The following MMP28 variants were observed in gnomAD, a reference collection of about 807,000 sequenced individuals.
MMP28 encodes matrix metalloproteinase-28.
MMP28 carries 55 observed loss-of-function variants against 60.5 expected under a neutral mutation model. The observed-to-expected ratio is 0.91, with a 90% CI of 0.73 to 1.14. The LOEUF is 1.14. Ranked by LOEUF, MMP28 falls within the 50% of genes most tolerant of loss-of-function variation. MMP28 has a pLI of 0.00. For synonymous variants in MMP28, 318 were observed against 312.5 expected, an observed-to-expected ratio of 1.02 and a Z score of -0.18; for missense variants, 686 against 738.3, an observed-to-expected ratio of 0.93 and a Z score of 0.82.
intron 2 of MMP28, among the ~76,000 whole-genome samples, chr17:35,758,883 C>T (rs2085770227): frequency 6.6e-6 from 1 of 151,568 alleles, no homozygotes. Flanking sequence ...GTTGGGGAGG[C>T]AGGATGAGAA....
At chr17:35,795,240 G>T (rs916214081) in intron 1 of MMP28, 27 bp downstream of exon 1, 2 of 1,360,998 alleles carry the variant, frequency 1.5e-6, no homozygotes. Flanking sequence ...CACACGCACC[G>T]CTCTCCGCCA....
At chr17:35,778,684 C>A in intron 3 of MMP28, 4 of 1,226,628 alleles carry the variant, frequency 3.3e-6, no homozygotes, top group Non-Finnish European at 4.4e-6. Context: ...AATGAAAATT[C>A]ATCAATGTAG....
downstream of MMP28, among the ~76,000 whole-genome samples, chr17:35,763,619 G>A (rs2085869215): frequency 6.6e-6 from 1 of 151,686 alleles, no homozygotes; most frequent in Non-Finnish European, 1.5e-5. Flanking sequence ...ATCCAGGGCC[G>A]GGTGCAGTGA....
chr17:35,787,782 C>A (rs1012370507), intron 1 of MMP28, among the ~76,000 whole-genome samples: 1 of 151,600 alleles, frequency 6.6e-6, no homozygotes, highest in Non-Finnish European at 1.5e-5. Flanking sequence ...AGCCACTGCA[C>A]CCAGCCCCTT....
At position 35,795,299 on chromosome 17, in the gene MMP28, G is replaced by A. The variant is rs1338892568; in HGVS notation, c.79C>T (p.Arg27Cys). The A allele has an allele frequency of 1.4e-6, 2 of 1,464,124 alleles. No individual in the cohort carries two copies. Among genetic ancestry groups the A allele is most frequent in the Non-Finnish European group, 1.8e-6 (2 of 1,108,198 alleles). 90.7% of individuals were successfully genotyped at this position (1,464,124 alleles called of 1,614,324 possible). Reference sequence around the variant, plus strand: ...TCCTTGCGCAGCTCCTGGCCTCCGCGCTCCGCGGGCTGGGCGTCCAGGTGG... The same window carrying A: ...TCCTTGCGCAGCTCCTGGCCTCCGCACTCCGCGGGCTGGGCGTCCAGGTGG... The part of the protein sequence containing the change: ...WGHLDAQPAE[R>C]GGQELRKEAE... The change falls in exon 1 of 8, where the codon CGC (arginine) becomes TGC (cysteine). Residue 27 changes from arginine to cysteine, a missense_variant. Coordinates refer to ENST00000605424, the MANE Select transcript of MMP28 (RefSeq NM_024302.5).
chr17:35,780,305 C>A (rs531967907), intron 1 of MMP28, among the ~76,000 whole-genome samples: 9 of 151,928 alleles, frequency 5.9e-5, no homozygotes, highest in Non-Finnish European at 1.2e-4. Context: ...TGACCTCAGG[C>A]GGTCCACCCA....
chr17:35,765,146 A>G (rs1255970719), downstream of MMP28: 1 of 152,280 alleles, frequency 6.6e-6, no homozygotes, highest in African/African-American at 2.4e-5. Flanking sequence ...CCAGAGGTAA[A>G]AGTGTGGGCA....
downstream of MMP28, chr17:35,764,413 T>G: frequency 6.6e-7 from 1 of 1,520,582 alleles, no homozygotes; most frequent in Non-Finnish European, 8.8e-7. Context: ...GAGCGCCTGG[T>G]CCCCGCCGGC....
rs550721440 is a variant in MMP28, at chr17:35,778,120, C to T, written c.379+768G>A. On this transcript the variant is annotated intron_variant, in intron 3 of 7. Coordinates refer to ENST00000605424, the MANE Select transcript of MMP28 (RefSeq NM_024302.5). ...ATCTTAGATCTGTACCATTTAACCC[C>T]TGGAATATTAAATTTGGCTAAAAGA... is the stretch of plus-strand genomic sequence containing the variant. Among the ~76,000 whole-genome samples the T allele has an allele frequency of 3.9e-5, 6 of 152,176 alleles. No homozygotes were observed. In the East Asian group the frequency reaches 9.6e-4, roughly 24 times the overall value.
chr17:35,795,239 C>A, intron 1 of MMP28, 28 bp downstream of exon 1: 1 of 1,360,822 alleles, frequency 7.3e-7, no homozygotes. Context: ...GCACACGCAC[C>A]GCTCTCCGCC....
Position 35,770,169 on chromosome 17 carries a change from G to T in MMP28, c.748C>A (p.His250Asn), listed in dbSNP as rs1555604961. Reference protein sequence around the residue: ...HEIGHTLGLTHSPAPRALMAP... With the variant: ...HEIGHTLGLTNSPAPRALMAP... ...ATGAGCGCGCGCGGCGCGGGCGAGT[G>T]GGTGAGGCCAAGCGTGTGACCGATC... Residue 250 changes from histidine to asparagine, a missense_variant, in exon 5 of 8, where the codon CAC becomes AAC. Coordinates refer to ENST00000605424, the MANE Select transcript of MMP28 (RefSeq NM_024302.5). 1 of 1,606,896 alleles carries T rather than the reference G, an allele frequency of 6.2e-7. No individual in the cohort carries two copies. The highest frequency in any genetic ancestry group is 1.7e-5 in the Admixed American group (1 of 59,670).
intron 4 of MMP28, among the ~76,000 whole-genome samples, chr17:35,772,898 G>A (rs1282084312): frequency 6.6e-6 from 1 of 152,196 alleles, no homozygotes; most frequent in African/African-American, 2.4e-5. Flanking sequence ...GAGGATGGAT[G>A]ATGGAACCTC....
intron 3 of MMP28, among the ~76,000 whole-genome samples, chr17:35,776,691 GC>G (rs1170658610): frequency 6.6e-6 from 1 of 151,914 alleles, no homozygotes; most frequent in Admixed American, 6.6e-5. Flanking sequence ...CTTGAGACCA[GC>G]CCGGACAACA....
chr17:35,764,314 T>TC, downstream of MMP28: 2 of 1,480,268 alleles, frequency 1.4e-6, no homozygotes, highest in Non-Finnish European at 1.8e-6. Flanking sequence ...GCCTAACAGC[T>TC]CCCACCGACA....
intron 1 of MMP28, 191 bp from the exon 2 acceptor site, chr17:35,779,514 G>A (rs1338959067): frequency 8.6e-6 from 5 of 584,274 alleles, no homozygotes; most frequent in Non-Finnish European, 1.5e-5. Flanking sequence ...GGTCACCACT[G>A]ACTAGCTGAT....
At chr17:35,771,639 A>T (rs1239959851) in intron 4 of MMP28, among the ~76,000 whole-genome samples, 2 of 134,096 alleles carry the variant, frequency 1.5e-5, no homozygotes, top group Non-Finnish European at 3.2e-5. Flanking sequence ...TATAATTTTT[A>T]TTTTTATTAT....
At chr17:35,786,120 G>A (rs946916630) in intron 1 of MMP28, among the ~76,000 whole-genome samples, 1 of 150,742 alleles carries the variant, frequency 6.6e-6, no homozygotes, top group African/African-American at 2.4e-5. Flanking sequence ...GCAATGGCAC[G>A]ATCTCAGCTC....
chr17:35,770,714 A>ATGTGTGTGTGTGTGTGTGTG (rs56074641), intron 4 of MMP28, among the ~76,000 whole-genome samples: 2 of 147,546 alleles, frequency 1.4e-5, no homozygotes, highest in African/African-American at 5.0e-5. Context: ...TGAATAATAA[A>ATGTGTGTGTGTGTGTGTGTG]TGTGTGTGTG....
intron 1 of MMP28, among the ~76,000 whole-genome samples, chr17:35,786,112 A>G (rs2086641679): frequency 6.7e-6 from 1 of 150,140 alleles, no homozygotes; most frequent in Non-Finnish European, 1.5e-5. Context: ...GCTGGAGTGC[A>G]ATGGCACGAT....
Sources: gnomAD v4.1 joint callset for allele counts (sites outside exome capture counted in the v4.1 genomes callset) on GRCh38, gnomAD v4.1.1 for gene constraint, MANE v1.5 for transcripts, NCBI Gene and HGNC (gene_info 2026-07-23, HGNC 2026-07-21) for gene names.